The following PTPRD variants were observed in gnomAD, a reference collection of about 807,000 sequenced individuals.
PTPRD encodes the protein protein tyrosine phosphatase receptor type D.
In PTPRD, 34 loss-of-function variants were observed where a neutral mutation model predicts 214.5. The ratio of observed to expected loss-of-function variants is 0.16; its 90% CI spans 0.12 to 0.21. The LOEUF is 0.21. Ranked by LOEUF, PTPRD falls within the 10% of genes least tolerant of loss-of-function variation. The pLI is 1.00. For missense variants in PTPRD, 2,545 were observed against 2,398.7 expected (o/e 1.06, Z -1.27); for synonymous variants, 1,128 against 845.7 (o/e 1.33, Z -5.79).
At chr9:8,836,853 T>A (rs1349673136) in intron 11 of PTPRD, among the ~76,000 whole-genome samples, 1 of 151,730 alleles carries the variant, frequency 6.6e-6, no homozygotes, top group East Asian at 1.9e-4. Flanking sequence ...AACAGCTGAT[T>A]AGACTAGTAG....
At chr9:9,038,864 A>AT (rs1025049278) in intron 10 of PTPRD, among the ~76,000 whole-genome samples, 69 of 150,956 alleles carry the variant, frequency 4.6e-4, no homozygotes, top group African/African-American at 6.3e-4. Context: ...GCAGATAACT[A>AT]TTTTTTTTTA....
At chr9:8,761,220 A>C (rs939116318) in intron 11 of PTPRD, among the ~76,000 whole-genome samples, 1 of 152,226 alleles carries the variant, frequency 6.6e-6, no homozygotes, top group Non-Finnish European at 1.5e-5. Flanking sequence ...TAATAAGGCA[A>C]AAAGGCAATT....
chr9:9,390,011 G>A (rs58028094), intron 9 of PTPRD, among the ~76,000 whole-genome samples: 3,566 of 152,242 alleles, frequency 0.023, 127 homozygotes, highest in African/African-American at 0.076. Flanking sequence ...AGAGACAGAG[G>A]TGGGAGAAAA....
Position 9,238,760 on chromosome 9 carries a change from C to T in PTPRD, c.-202-55397G>A, listed in dbSNP as rs116521471. On this transcript the variant is annotated intron_variant, in intron 9 of 45. Transcript: ENST00000381196. Reference sequence around the variant, plus strand: ...CAACCTAAGCTTGTGGCATTTTACTCTTATGCTTTTATCTTCATTTTGAGA... The same window carrying T: ...CAACCTAAGCTTGTGGCATTTTACTTTTATGCTTTTATCTTCATTTTGAGA... Among the ~76,000 whole-genome samples the T allele has an allele frequency of 6.7e-3, 1,022 of 152,236 alleles. 10 individuals carry two copies. Among genetic ancestry groups the T allele is most frequent in the African/African-American group, 0.023 (953 of 41,536 alleles).
intron 2 of PTPRD, among the ~76,000 whole-genome samples, chr9:10,450,641 T>G (rs1322218728): frequency 2.6e-5 from 4 of 152,024 alleles, no homozygotes; most frequent in Non-Finnish European, 5.9e-5. Flanking sequence ...AATTTGATCA[T>G]ATATTTTACT....
chr9:8,867,169 C>A (rs947717517), intron 11 of PTPRD, among the ~76,000 whole-genome samples: 2 of 152,156 alleles, frequency 1.3e-5, no homozygotes, highest in Non-Finnish European at 2.9e-5. Flanking sequence ...CTCTCCTTCC[C>A]TCCCTCCCTT....
chr9:9,466,930 C>T (rs1041405970), intron 8 of PTPRD, among the ~76,000 whole-genome samples: 2 of 152,052 alleles, frequency 1.3e-5, no homozygotes, highest in African/African-American at 4.8e-5. Context: ...AGAAAATATA[C>T]CATGTTATAA....
intron 3 of PTPRD, among the ~76,000 whole-genome samples, chr9:10,102,383 A>G (rs1291330597): frequency 2.7e-5 from 4 of 149,870 alleles, no homozygotes; most frequent in African/African-American, 9.9e-5. Context: ...AAAGCTCCAG[A>G]TTATTGCTAG....
chr9:10,542,317 C>T (rs2059287404), intron 2 of PTPRD, among the ~76,000 whole-genome samples: 1 of 152,090 alleles, frequency 6.6e-6, no homozygotes. Flanking sequence ...TGGTATTCTA[C>T]TTACTATCCA....
intron 2 of PTPRD, among the ~76,000 whole-genome samples, chr9:10,525,768 A>T (rs952785885): frequency 8.0e-6 from 1 of 125,680 alleles, no homozygotes; most frequent in African/African-American, 3.3e-5. Flanking sequence ...ATTTTCCCTG[A>T]AAAACTGATA....
chr9:10,309,215 T>C (rs2096190012), intron 3 of PTPRD, among the ~76,000 whole-genome samples: 1 of 152,022 alleles, frequency 6.6e-6, no homozygotes, highest in African/African-American at 2.4e-5. Flanking sequence ...TGAAAAAATA[T>C]GTCCTTTTAA....
chr9:10,063,770 C>T (rs1241475783), intron 3 of PTPRD, among the ~76,000 whole-genome samples: 4 of 151,890 alleles, frequency 2.6e-5, no homozygotes, highest in Non-Finnish European at 1.5e-5. Flanking sequence ...TGTAGCAATA[C>T]CAGCTAGTTC....
chr9:9,066,223 A>C (rs1230609330), intron 10 of PTPRD, among the ~76,000 whole-genome samples: 2 of 152,204 alleles, frequency 1.3e-5, no homozygotes, highest in East Asian at 3.9e-4. Flanking sequence ...TATTCCCTGG[A>C]AGATTTTGTG....
At chr9:10,363,943 T>A (rs2097448362) in intron 2 of PTPRD, among the ~76,000 whole-genome samples, 1 of 149,736 alleles carries the variant, frequency 6.7e-6, no homozygotes, top group Admixed American at 6.7e-5. Context: ...TTCCCAGGCA[T>A]AACTTCCCAA....
chr9:8,506,261 T>TA (rs2097541244), intron 22 of PTPRD, among the ~76,000 whole-genome samples: 1 of 152,072 alleles, frequency 6.6e-6, no homozygotes, highest in East Asian at 1.9e-4. Flanking sequence ...TTTTTTCAGA[T>TA]AAAAAATGCT....
At chr9:10,109,491 A>G (rs2098670247) in intron 3 of PTPRD, among the ~76,000 whole-genome samples, 1 of 152,214 alleles carries the variant, frequency 6.6e-6, no homozygotes, top group African/African-American at 2.4e-5. Flanking sequence ...TACTTTAAAT[A>G]AATGCCTTCT....
chr9:10,549,313 A>T (rs765638099), intron 2 of PTPRD, among the ~76,000 whole-genome samples: 5 of 152,102 alleles, frequency 3.3e-5, no homozygotes, highest in African/African-American at 4.8e-5. Context: ...CCCTCTAATC[A>T]CCAGTGAGAA....
chr9:10,158,786 C>G (rs2099109558), intron 3 of PTPRD, among the ~76,000 whole-genome samples: 1 of 152,164 alleles, frequency 6.6e-6, no homozygotes, highest in South Asian at 2.1e-4. Context: ...GGGCAACCAG[C>G]CTCCTCAGTA....
At chr9:9,431,888 C>A (rs1293850070) in intron 8 of PTPRD, among the ~76,000 whole-genome samples, 1 of 117,574 alleles carries the variant, frequency 8.5e-6, no homozygotes, top group Non-Finnish European at 1.6e-5. Context: ...GAACATCACA[C>A]ACCGCGGCCT....
Sources: gnomAD v4.1 joint callset for allele counts (sites outside exome capture counted in the v4.1 genomes callset) on GRCh38, gnomAD v4.1.1 for gene constraint, MANE v1.5 for transcripts, NCBI Gene and HGNC (gene_info 2026-07-23, HGNC 2026-07-21) for gene names.